Variants in BIN3 observed in about 807,000 individuals in gnomAD.
BIN3 encodes the protein bridging integrator 3.
A neutral mutation model predicts 38.2 loss-of-function variants in BIN3; 41 were observed. The ratio of observed to expected loss-of-function variants is 1.07; its 90% CI spans 0.84 to 1.39. The LOEUF is 1.39. Among genes scored for constraint, BIN3 ranks in the 40% most tolerant of loss-of-function variants. The pLI is 0.00. For missense variants in BIN3, 361 were observed against 324.3 expected, an observed-to-expected ratio of 1.11 and a Z score of -0.87; for synonymous variants, 145 against 122.6, an observed-to-expected ratio of 1.18 and a Z score of -1.21.
At chr8:22,668,320 A>G (rs144069620) in intron 1 of BIN3, among the ~76,000 whole-genome samples, 2,026 of 152,354 alleles carry the variant, frequency 0.013, 39 homozygotes, top group African/African-American at 0.044. Context: ...AGTGTCTACT[A>G]TGACCCAAGT....
rs10102804 is a variant in BIN3 at position 22,625,053 on chromosome 8, C to T, written c.339-690G>A. ...AATCCTCTGGCTCTGCCATTGGAAC[C>T]GCCAAAGTTCCAACCAGCTGCTTCA... On this transcript the variant is annotated intron_variant, in intron 6 of 8. Transcript: ENST00000276416. 1.7e-4 allele frequency: 72 copies of T among 414,452 alleles called. 1 individual carries two copies. In the East Asian group the frequency reaches 2.0e-3, roughly 12 times the overall value. The allele number at this position is 414,452 out of a possible 1,614,324, so 25.7% of individuals were successfully genotyped here.
At chr8:22,629,372 T>C (rs1802106914) in intron 6 of BIN3, among the ~76,000 whole-genome samples, 1 of 152,180 alleles carries the variant, frequency 6.6e-6, no homozygotes, top group Admixed American at 6.5e-5. Flanking sequence ...TTCCCCGCCC[T>C]GGGGACCGAG....
At chr8:22,627,363 A>G (rs1802035847) in intron 6 of BIN3, among the ~76,000 whole-genome samples, 1 of 152,114 alleles carries the variant, frequency 6.6e-6, no homozygotes, top group African/African-American at 2.4e-5. Context: ...TGACCCTTTG[A>G]GGCCCCATCT....
chr8:22,626,638 GGC>G (rs1802014736), intron 6 of BIN3: 1 of 149,368 alleles, frequency 6.7e-6, no homozygotes, highest in Non-Finnish European at 1.5e-5. Context: ...GCAAGGATGA[GGC>G]AGGCAGGAGG....
chr8:22,630,240 G>A lies in BIN3; in HGVS notation c.297+202C>T, dbSNP rs1263669860. Among the ~76,000 whole-genome samples the A allele has an allele frequency of 5.3e-5, 8 of 152,326 alleles. No homozygotes were observed. In the East Asian group the frequency reaches 9.7e-4, roughly 18 times the overall value. ...TCACAGTAAGTAACATGAGCTCGTG[G>A]AGCCTCAGGAGGCAGGTAGAGCCAA... On this transcript the variant is annotated intron_variant, in intron 5 of 8. Coordinates refer to ENST00000276416, the MANE Select transcript of BIN3 (RefSeq NM_018688.6).
chr8:22,648,176 A>T (rs537104076), intron 1 of BIN3, among the ~76,000 whole-genome samples: 2 of 151,276 alleles, frequency 1.3e-5, no homozygotes, highest in Admixed American at 1.3e-4. Context: ...ATTGTGAAGG[A>T]AGTACATAAT....
chr8:22,642,006 G>C (rs1585191434), intron 2 of BIN3, among the ~76,000 whole-genome samples: 2 of 152,278 alleles, frequency 1.3e-5, no homozygotes, highest in African/African-American at 4.8e-5. Context: ...GCCCCAGCAG[G>C]AACAAGCCAT....
intron 1 of BIN3, among the ~76,000 whole-genome samples, chr8:22,663,440 TAAAAAAAA>T (rs35060338): frequency 3.1e-5 from 4 of 128,674 alleles, no homozygotes; most frequent in Admixed American, 7.9e-5. Context: ...CCGATTTGTT[TAAAAAAAA>T]AAAAAAAAAA....
At chr8:22,623,232 G>A (rs1475334576) in intron 8 of BIN3, among the ~76,000 whole-genome samples, 1 of 152,234 alleles carries the variant, frequency 6.6e-6, no homozygotes, top group African/African-American at 2.4e-5. Flanking sequence ...TATTTTGCCA[G>A]TTGGGGGAAC....
intron 2 of BIN3, among the ~76,000 whole-genome samples, chr8:22,640,784 G>T (rs538632272): frequency 4.1e-4 from 62 of 151,846 alleles, no homozygotes; most frequent in Non-Finnish European, 8.7e-4. Flanking sequence ...GCTTGGACTT[G>T]TACCGGGAGG....
chr8:22,627,817 C>T (rs1802052604), intron 6 of BIN3, among the ~76,000 whole-genome samples: 1 of 152,254 alleles, frequency 6.6e-6, no homozygotes, highest in Non-Finnish European at 1.5e-5. Flanking sequence ...CCGAGCATGC[C>T]CCGCTCCATG....
intron 1 of BIN3, among the ~76,000 whole-genome samples, chr8:22,656,203 T>G (rs1460397614): frequency 6.7e-6 from 1 of 148,950 alleles, no homozygotes; most frequent in Non-Finnish European, 1.5e-5. Flanking sequence ...CAAGCCTTTT[T>G]ATCTCCCTTG....
chr8:22,624,893 GTCCACATTCTCTGTCTGGCACCCTT>G (rs1283744415), intron 6 of BIN3: 2 of 219,394 alleles, frequency 9.1e-6, no homozygotes, highest in East Asian at 2.0e-4. Context: ...GAACACAGGT[GTCCACATTCTCTGTCTGGCACCCTT>G]TCCAGCCCTC....
chr8:22,657,320 T>C (rs1334519588), intron 1 of BIN3, among the ~76,000 whole-genome samples: 2 of 152,240 alleles, frequency 1.3e-5, no homozygotes, highest in African/African-American at 4.8e-5. Context: ...AGTATCATTG[T>C]CTTTGGGCTC....
intron 1 of BIN3, among the ~76,000 whole-genome samples, chr8:22,654,976 C>T (rs1177866014): frequency 1.3e-5 from 2 of 152,210 alleles, no homozygotes; most frequent in Non-Finnish European, 2.9e-5. Flanking sequence ...TCTCCACATC[C>T]TTGCCAACAC....
chr8:22,657,988 C>T (rs1298956869), intron 1 of BIN3, among the ~76,000 whole-genome samples: 1 of 152,240 alleles, frequency 6.6e-6, no homozygotes, highest in Non-Finnish European at 1.5e-5. Flanking sequence ...CCTCCCTCCT[C>T]CTCACACTTG....
chr8:22,632,719 T>TTTC (rs1802245787), intron 4 of BIN3, among the ~76,000 whole-genome samples: 1 of 151,390 alleles, frequency 6.6e-6, no homozygotes, highest in Non-Finnish European at 1.5e-5. Flanking sequence ...TTTTTTTTTT[T>TTTC]TTCAGACGGA....
At position 22,621,223 on chromosome 8, in the gene BIN3, TG is replaced by T; in HGVS notation, c.*198del. 2 of 653,574 alleles carry T rather than the reference TG, an allele frequency of 3.1e-6. No individual in the cohort carries two copies. The highest frequency in any genetic ancestry group is 2.6e-6 in the Non-Finnish European group (1 of 388,012). The allele number at this position is 653,574 out of a possible 1,614,324, so 40.5% of individuals were successfully genotyped here. On this transcript the variant is annotated 3_prime_UTR_variant, in exon 9 of 9. Coordinates refer to ENST00000276416, the MANE Select transcript of BIN3 (RefSeq NM_018688.6). ...GGGTTTGTCTACACTGCTTACCTGCTGGGGCTGTGAGTGGGGAGACGGCGGC... is the reference window on the plus strand; with the variant it reads ...GGGTTTGTCTACACTGCTTACCTGCTGGGCTGTGAGTGGGGAGACGGCGGC...
chr8:22,655,299 G>GT (rs58623241), intron 1 of BIN3, among the ~76,000 whole-genome samples: 1 of 152,020 alleles, frequency 6.6e-6, no homozygotes, highest in Non-Finnish European at 1.5e-5. Context: ...CAATTTATCT[G>GT]TTTTTTCTTT....
Sources: allele counts gnomAD v4.1 joint callset (sites outside exome capture counted in the v4.1 genomes callset), GRCh38; gene constraint gnomAD v4.1.1; transcripts MANE v1.5; gene names NCBI Gene and HGNC (gene_info 2026-07-23, HGNC 2026-07-21).